The following ZC3H12B variants were observed in gnomAD, a reference collection of about 807,000 sequenced individuals.
ZC3H12B encodes the protein zinc finger CCCH-type containing 12B, also known as probable ribonuclease ZC3H12B.
Under a neutral mutation model 43.9 loss-of-function variants are expected in ZC3H12B, and 7 were observed. That is an observed-to-expected ratio of 0.16 (90% CI 0.09 to 0.30). The LOEUF is 0.30. Among genes scored for constraint, ZC3H12B ranks in the 10% least tolerant of loss-of-function variants. The pLI, the probability that ZC3H12B is intolerant of heterozygous loss-of-function variation, is 1.00. For synonymous variants in ZC3H12B, 222 were observed against 241.7 expected (o/e 0.92, Z 0.76); for missense variants, 475 against 670.2 (o/e 0.71, Z 3.22).
At chrX:65,467,565 C>A (rs2067842271) in intron 3 of ZC3H12B, among the ~76,000 whole-genome samples, 1 of 112,164 alleles carries the variant, frequency 8.9e-6, no homozygotes, top group Non-Finnish European at 1.9e-5. Context: ...TACATTATCA[C>A]CAGCAGCATA....
chrX:65,225,488 G>T, the ZC3H12B span, among the ~76,000 whole-genome samples: 3 of 112,567 alleles, frequency 2.7e-5, no homozygotes, highest in East Asian at 2.8e-4. Flanking sequence ...CCAAAGGAAC[G>T]CAGTTCCTCA....
intron 3 of ZC3H12B, among the ~76,000 whole-genome samples, chrX:65,439,599 CT>C (rs2067275156): frequency 8.9e-6 from 1 of 111,988 alleles, no homozygotes; most frequent in Non-Finnish European, 1.9e-5. Context: ...ATGGTAAATA[CT>C]GAGATCAGAA....
the ZC3H12B span, among the ~76,000 whole-genome samples, chrX:65,354,102 G>A: frequency 8.9e-6 from 1 of 112,215 alleles, no homozygotes; most frequent in Non-Finnish European, 1.9e-5. Flanking sequence ...TCCCAGCACA[G>A]CGCTCGAGCT....
chrX:65,115,950 C>A, the ZC3H12B span, among the ~76,000 whole-genome samples: 1 of 110,503 alleles, frequency 9.0e-6, no homozygotes, highest in Admixed American at 9.7e-5. Flanking sequence ...TGATATTAGT[C>A]CTTTGTCAGA....
the ZC3H12B span, among the ~76,000 whole-genome samples, chrX:65,168,949 C>T: frequency 9.0e-6 from 1 of 110,647 alleles, no homozygotes; most frequent in East Asian, 2.8e-4. Context: ...ATTAGTCTTG[C>T]TAGTGGTCTA....
chrX:65,137,682 T>A, the ZC3H12B span, among the ~76,000 whole-genome samples: 1 of 112,665 alleles, frequency 8.9e-6, no homozygotes, highest in African/African-American at 3.2e-5. Flanking sequence ...TATTTATTTT[T>A]AAATTAAAAG....
chrX:65,219,167 G>A, the ZC3H12B span, among the ~76,000 whole-genome samples: 2 of 111,654 alleles, frequency 1.8e-5, no homozygotes, highest in Non-Finnish European at 3.8e-5. Context: ...AAAAGAATCT[G>A]AACAGTAGCA....
At chrX:65,195,155 C>G in the ZC3H12B span, among the ~76,000 whole-genome samples, 3 of 108,436 alleles carry the variant, frequency 2.8e-5, no homozygotes, top group Non-Finnish European at 3.8e-5. Context: ...AATCAAGTTC[C>G]ATTTGATGTT....
intron 3 of ZC3H12B, among the ~76,000 whole-genome samples, chrX:65,473,863 T>C (rs988348218): frequency 1.8e-5 from 2 of 112,326 alleles, no homozygotes; most frequent in Non-Finnish European, 3.8e-5. Flanking sequence ...TTATTAAATT[T>C]GTTAAGGCTT....
At chrX:65,456,026 C>T (rs1487971294) in intron 3 of ZC3H12B, among the ~76,000 whole-genome samples, 2 of 111,696 alleles carry the variant, frequency 1.8e-5, no homozygotes, top group Non-Finnish European at 3.8e-5. Context: ...CAAAAACATA[C>T]CAAATTGTAA....
chrX:65,227,032 C>T, the ZC3H12B span, among the ~76,000 whole-genome samples: 1 of 111,243 alleles, frequency 9.0e-6, no homozygotes, highest in Non-Finnish European at 1.9e-5. Flanking sequence ...CCAAGCGGAC[C>T]TAATAGACGT....
At chrX:65,115,089 G>A in the ZC3H12B span, among the ~76,000 whole-genome samples, 1 of 107,943 alleles carries the variant, frequency 9.3e-6, no homozygotes, top group Non-Finnish European at 1.9e-5. Flanking sequence ...TATGGAACAG[G>A]TGGTATGTGA....
chrX:65,299,682 TCAGA>T, the ZC3H12B span, among the ~76,000 whole-genome samples: 1 of 112,289 alleles, frequency 8.9e-6, no homozygotes, highest in Non-Finnish European at 1.9e-5. Flanking sequence ...CAGCTTCCAC[TCAGA>T]CAGACAGAGC....
chrX:65,467,218 G>C (rs780051836), intron 3 of ZC3H12B, among the ~76,000 whole-genome samples: 4 of 108,036 alleles, frequency 3.7e-5, no homozygotes, highest in African/African-American at 1.3e-4. Flanking sequence ...TTCCATTCCT[G>C]AGTTACTTTT....
the ZC3H12B span, among the ~76,000 whole-genome samples, chrX:65,083,619 G>GA: frequency 6.3e-4 from 70 of 111,287 alleles, no homozygotes; most frequent in African/African-American, 2.1e-3. Context: ...CCAAAATATG[G>GA]AAAAAATGTT....
At chrX:65,117,906 G>A in the ZC3H12B span, among the ~76,000 whole-genome samples, 1 of 110,889 alleles carries the variant, frequency 9.0e-6, no homozygotes, top group Non-Finnish European at 1.9e-5. Context: ...GGTGTGTTCT[G>A]TTCCATTGGT....
chrX:65,455,648 G>A (rs984418844), intron 3 of ZC3H12B, among the ~76,000 whole-genome samples: 1 of 111,433 alleles, frequency 9.0e-6, no homozygotes, highest in African/African-American at 3.3e-5. Context: ...TACTCCTTGA[G>A]AAGAGCAACC....
chrX:65,452,981 A>G (rs1301055188), intron 3 of ZC3H12B, among the ~76,000 whole-genome samples: 1 of 110,662 alleles, frequency 9.0e-6, no homozygotes, highest in East Asian at 2.8e-4. Context: ...ACCATCATTC[A>G]CAGAACTAGA....
chrX:65,164,880 T>G, the ZC3H12B span, among the ~76,000 whole-genome samples: 1 of 112,168 alleles, frequency 8.9e-6, no homozygotes, highest in South Asian at 3.7e-4. Context: ...TAAGGAAGCT[T>G]TCTTGAAAAT....
Sources: allele counts gnomAD v4.1 joint callset (sites outside exome capture counted in the v4.1 genomes callset), GRCh38; gene constraint gnomAD v4.1.1; transcripts MANE v1.5; gene names NCBI Gene and HGNC (gene_info 2026-07-23, HGNC 2026-07-21).